The following SLC17A5 variants were observed in gnomAD, a reference collection of about 807,000 sequenced individuals.
SLC17A5 encodes the protein solute carrier family 17 member 5.
In SLC17A5, 47 loss-of-function variants were observed where a neutral mutation model predicts 59.4. That is an observed-to-expected ratio of 0.79 (90% CI 0.63 to 1.01). The LOEUF (loss-of-function observed/expected upper bound fraction) is 1.01. Ranked by LOEUF, SLC17A5 falls within the 50% of genes least tolerant of loss-of-function variation. SLC17A5 has a pLI of 0.00. For missense variants in SLC17A5, 522 were observed against 595.5 expected, an observed-to-expected ratio of 0.88 and a Z score of 1.28; for synonymous variants, 202 against 210.7, an observed-to-expected ratio of 0.96 and a Z score of 0.36.
chr6:73,609,305 G>C (rs776093289), intron 9 of SLC17A5, among the ~76,000 whole-genome samples: 32 of 152,086 alleles, frequency 2.1e-4, no homozygotes, highest in Non-Finnish European at 4.0e-4. Context: ...AAAGAATTTT[G>C]GGCTTAAAAG....
chr6:73,651,564 C>A (rs978772293), intron 1 of SLC17A5, among the ~76,000 whole-genome samples: 3 of 149,744 alleles, frequency 2.0e-5, no homozygotes, highest in Non-Finnish European at 3.0e-5. Flanking sequence ...TTTTTTGAGA[C>A]GAAGTCTTGC....
chr6:73,646,222 T>G (rs1353637414), intron 1 of SLC17A5, among the ~76,000 whole-genome samples: 1 of 152,188 alleles, frequency 6.6e-6, no homozygotes, highest in Non-Finnish European at 1.5e-5. Context: ...TAACCTAGCA[T>G]CAAAGGAGAG....
intron 3 of SLC17A5, among the ~76,000 whole-genome samples, chr6:73,639,343 A>G (rs3799295): frequency 0.056 from 8,479 of 152,316 alleles, 422 homozygotes; most frequent in Admixed American, 0.16. Flanking sequence ...ATAAATGGTA[A>G]CTAGTGCTAT....
chr6:73,638,724 C>G (rs2150115526), intron 3 of SLC17A5, among the ~76,000 whole-genome samples: 1 of 151,934 alleles, frequency 6.6e-6, no homozygotes, highest in Middle Eastern at 3.4e-3. Flanking sequence ...AATCCCAGCA[C>G]TTTGGGAGGC....
intron 10 of SLC17A5, among the ~76,000 whole-genome samples, chr6:73,595,933 CATATATATATATATACGT>C (rs1561982357): frequency 4.4e-3 from 4 of 918 alleles, no homozygotes; most frequent in Non-Finnish European, 8.0e-3. Context: ...TATACATATA[CATATATATATATATACGT>C]ATATATATAC....
rs1406490057 is a variant in SLC17A5 at position 73,621,959 on chromosome 6, A to T, written c.823T>A (p.Ser275Thr). The change falls in exon 7 of 11, where the codon TCT (serine) becomes ACT (threonine). Residue 275 changes from serine to threonine, a missense_variant. Physicochemically the swap from Ser to Thr is moderately conservative, Grantham distance 58. This residue lies in a region of SLC17A5 where 338 missense variants were observed against 363.8 expected (regional missense o/e 0.93). Coordinates refer to ENST00000355773, the MANE Select transcript of SLC17A5 (RefSeq NM_012434.5). ...ACCCACGGCACTGACTTCTGTGAAG[A>T]AAGCTGAAGAAAACAGGAATAATTA... is the stretch of plus-strand genomic sequence containing the variant. ...YILSSLRNQL[S>T]SQKSVPWVPI... 1 of 1,613,974 alleles carries T rather than the reference A, an allele frequency of 6.2e-7. No homozygotes were observed. Among genetic ancestry groups the T allele is most frequent in the African/African-American group, 1.3e-5 (1 of 75,060 alleles).
intron 1 of SLC17A5, among the ~76,000 whole-genome samples, chr6:73,651,153 AAC>A (rs1769839158): frequency 6.6e-6 from 1 of 152,166 alleles, no homozygotes; most frequent in African/African-American, 2.4e-5. Context: ...TCCTGATTTG[AAC>A]ACACTATAAA....
intron 4 of SLC17A5, among the ~76,000 whole-genome samples, chr6:73,638,016 T>C (rs996963062): frequency 1.3e-5 from 2 of 151,792 alleles, no homozygotes; most frequent in African/African-American, 4.8e-5. Context: ...AATCACAATT[T>C]AAGGACAAAA....
chr6:73,640,771 GAAAA>G (rs1769238025), intron 3 of SLC17A5, among the ~76,000 whole-genome samples: 1 of 151,892 alleles, frequency 6.6e-6, no homozygotes, highest in South Asian at 2.1e-4. Flanking sequence ...AAGTGGGAAG[GAAAA>G]GAAAGACAAG....
At chr6:73,615,990 A>G (rs992786173) in intron 7 of SLC17A5, among the ~76,000 whole-genome samples, 1 of 144,374 alleles carries the variant, frequency 6.9e-6, no homozygotes, top group African/African-American at 2.6e-5. Flanking sequence ...GGTTCAAGTG[A>G]TTCTCCTGCC....
At chr6:73,618,873 A>C (rs1345077497) in intron 7 of SLC17A5, among the ~76,000 whole-genome samples, 1 of 152,014 alleles carries the variant, frequency 6.6e-6, no homozygotes, top group Admixed American at 6.6e-5. Flanking sequence ...TACAGGCACG[A>C]GCTGCCATGC....
chr6:73,624,138 T>A (rs1768288055), intron 6 of SLC17A5, among the ~76,000 whole-genome samples: 1 of 151,898 alleles, frequency 6.6e-6, no homozygotes, highest in Non-Finnish European at 1.5e-5. Flanking sequence ...GCATGGTGGC[T>A]CACACCTGTA....
chr6:73,645,168 T>C (rs1161224302), intron 1 of SLC17A5: 1 of 190,906 alleles, frequency 5.2e-6, no homozygotes, highest in Non-Finnish European at 9.7e-6. Context: ...CTTGAGTACT[T>C]ACAATGACAT....
At position 73,594,870 on chromosome 6, in the gene SLC17A5, A is replaced by G. The variant is rs1418569968; in HGVS notation, c.*207T>C. 11 of 588,600 alleles carry G rather than the reference A, an allele frequency of 1.9e-5. No individual in the cohort carries two copies. Among genetic ancestry groups the G allele is most frequent in the Non-Finnish European group, 3.3e-5 (11 of 338,202 alleles). The allele number at this position is 588,600 out of a possible 1,614,324, so 36.5% of individuals were successfully genotyped here. ...GGCAGGTATGTGAACCTAAAGTAGAAGTCCTAGCTTACATATTATTCATAA... is the reference window on the plus strand; with the variant it reads ...GGCAGGTATGTGAACCTAAAGTAGAGGTCCTAGCTTACATATTATTCATAA... On this transcript the variant is annotated 3_prime_UTR_variant, in exon 11 of 11. Coordinates refer to ENST00000355773, the MANE Select transcript of SLC17A5 (RefSeq NM_012434.5).
chr6:73,651,707 T>A (rs1769877954), intron 1 of SLC17A5, among the ~76,000 whole-genome samples: 1 of 151,558 alleles, frequency 6.6e-6, no homozygotes, highest in Non-Finnish European at 1.5e-5. Flanking sequence ...CACACCCGGC[T>A]AATTTTTTGT....
intron 2 of SLC17A5, 120 bp from the exon 3 acceptor site, chr6:73,642,044 A>C (rs1186794634): frequency 1.2e-6 from 1 of 850,384 alleles, no homozygotes; most frequent in Non-Finnish European, 2.0e-6. Flanking sequence ...GGACTGAAGA[A>C]CATGCAAACT....
chr6:73,641,636 A>C (rs1769288569), intron 3 of SLC17A5, 55 bp downstream of exon 3: 10 of 1,281,634 alleles, frequency 7.8e-6, no homozygotes, highest in Non-Finnish European at 4.4e-6. Context: ...CATCTTTAAG[A>C]AGAAGAGAAG....
intron 9 of SLC17A5, among the ~76,000 whole-genome samples, chr6:73,609,415 A>C (rs929146911): frequency 6.6e-6 from 1 of 152,210 alleles, no homozygotes; most frequent in Non-Finnish European, 1.5e-5. Context: ...TTAGCGTTCA[A>C]ATAGGGCAAA....
chr6:73,621,152 T>C (rs938365102), intron 7 of SLC17A5, among the ~76,000 whole-genome samples: 1 of 152,106 alleles, frequency 6.6e-6, no homozygotes. Context: ...ATTACAGGCA[T>C]GCACTACCAC....
Sources: allele counts gnomAD v4.1 joint callset (sites outside exome capture counted in the v4.1 genomes callset), GRCh38; gene constraint gnomAD v4.1.1; regional missense constraint gnomAD v4.1.1; transcripts MANE v1.5; gene names NCBI Gene and HGNC (gene_info 2026-07-23, HGNC 2026-07-21).